Variants in MBTPS1 observed in about 807,000 individuals in gnomAD.
MBTPS1 encodes membrane bound transcription factor peptidase, site 1.
MBTPS1 carries 94 observed loss-of-function variants against 127.8 expected under a neutral mutation model. The observed-to-expected ratio is 0.74, with a 90% CI of 0.62 to 0.87. The LOEUF (loss-of-function observed/expected upper bound fraction) is 0.87. MBTPS1 is among the 40% of genes least tolerant of loss of function. The pLI is 0.00. For synonymous variants in MBTPS1, 632 were observed against 509.4 expected, an observed-to-expected ratio of 1.24 and a Z score of -3.24; for missense variants, 1,636 against 1,353.2, an observed-to-expected ratio of 1.21 and a Z score of -3.28.
chr16:84,071,098 T>A (rs73249027), intron 12 of MBTPS1, among the ~76,000 whole-genome samples: 1 of 152,182 alleles, frequency 6.6e-6, no homozygotes, highest in Non-Finnish European at 1.5e-5. Flanking sequence ...AGAGAACTTA[T>A]ATAGATGAAA....
intron 10 of MBTPS1, among the ~76,000 whole-genome samples, chr16:84,083,147 G>C (rs532062788): frequency 6.6e-6 from 1 of 152,204 alleles, no homozygotes; most frequent in African/African-American, 2.4e-5. Flanking sequence ...GCGTTTAGGA[G>C]AAATGAACCA....
intron 4 of MBTPS1, among the ~76,000 whole-genome samples, chr16:84,095,237 G>A (rs561583780): frequency 6.6e-6 from 1 of 152,316 alleles, no homozygotes; most frequent in Admixed American, 6.5e-5. Context: ...ACTTCTGCAG[G>A]CCTGTCGGTC....
chr16:84,055,609 G>A lies in MBTPS1; in HGVS notation c.2962+396C>T, dbSNP rs2085510679. Among the ~76,000 whole-genome samples the A allele has an allele frequency of 2.0e-5, 3 of 152,214 alleles. No individual in the cohort carries two copies. The South Asian group carries it at 6.2e-4, about 31-fold the overall frequency. On this transcript the variant is annotated intron_variant, in intron 22 of 22. Coordinates refer to ENST00000343411, the MANE Select transcript of MBTPS1 (RefSeq NM_003791.4). The stretch of plus-strand genomic sequence containing the variant: ...AACTGAAGGGGCCTTCTGGGCTGAG[G>A]GCTGGGAGCCAGGGCGGCTGCTGCC...
At chr16:84,100,830 T>G (rs1052409844) in intron 2 of MBTPS1, among the ~76,000 whole-genome samples, 1 of 151,844 alleles carries the variant, frequency 6.6e-6, no homozygotes, top group Non-Finnish European at 1.5e-5. Context: ...AAAGTTAACA[T>G]TCATGTGCTG....
At chr16:84,076,518 T>A (rs572065931) in intron 11 of MBTPS1, among the ~76,000 whole-genome samples, 1 of 152,226 alleles carries the variant, frequency 6.6e-6, no homozygotes, top group Non-Finnish European at 1.5e-5. Flanking sequence ...TATTTCCATA[T>A]GGTAGGTTAG....
chr16:84,066,360 G>C, intron 17 of MBTPS1, 129 bp downstream of exon 17: 1 of 933,712 alleles, frequency 1.1e-6, no homozygotes, highest in Non-Finnish European at 1.5e-6. Context: ...GAAAATACTG[G>C]TGAGTTCTTT....
intron 11 of MBTPS1, among the ~76,000 whole-genome samples, chr16:84,078,739 T>G (rs1275420586): frequency 6.6e-6 from 1 of 152,168 alleles, no homozygotes; most frequent in Admixed American, 6.5e-5. Context: ...CGCACTGACG[T>G]GGAGAGATTT....
Position 84,101,663 on chromosome 16 carries a change from G to T in MBTPS1, c.121C>A (p.Leu41Met). 6.2e-7 allele frequency: 1 copy of T among 1,614,066 alleles called. No individual in the cohort carries two copies. The highest frequency in any genetic ancestry group is 1.3e-5 in the African/African-American group (1 of 75,016). Residue 41 changes from leucine to methionine, a missense_variant, in exon 2 of 23, where the codon CTG becomes ATG. Transcript: ENST00000343411. ...EKAPCPGCSH[L>M]TLKVEFSSTV... ...GATGAGAATTCCACCTTCAAAGTCA[G>T]GTGGGAACAGCCAGGGCATGGGGCC...
At chr16:84,069,217 G>C (rs2085733568) in intron 14 of MBTPS1, among the ~76,000 whole-genome samples, 1 of 152,228 alleles carries the variant, frequency 6.6e-6, no homozygotes, top group African/African-American at 2.4e-5. Context: ...AAACATAAAA[G>C]CAGAAATGAG....
At chr16:84,066,757 G>A (rs551517895) in intron 16 of MBTPS1, 144 bp from the exon 17 acceptor site, 1 of 806,250 alleles carries the variant, frequency 1.2e-6, no homozygotes, top group Non-Finnish European at 1.9e-6. Context: ...CAACTGTCTG[G>A]GTTTGGGTAA....
chr16:84,062,597 G>A (rs989722082), intron 19 of MBTPS1, among the ~76,000 whole-genome samples: 16 of 152,132 alleles, frequency 1.1e-4, no homozygotes, highest in African/African-American at 2.7e-4. Context: ...TGGTCACAGC[G>A]CATTAGAAGG....
At chr16:84,088,987 C>A (rs2086067445) in intron 8 of MBTPS1, among the ~76,000 whole-genome samples, 2 of 152,244 alleles carry the variant, frequency 1.3e-5, no homozygotes, top group South Asian at 2.1e-4. Flanking sequence ...AAACTCACAA[C>A]TCTGGTAAGA....
chr16:84,070,724 A>G lies in MBTPS1; in HGVS notation c.1646T>C (p.Phe549Ser), dbSNP rs780183957. Reference sequence around the variant, plus strand: ...AGGCCATAAGACCGAGGAGTAGGAGAAGGCAACTTCAATGTTGTCTCCGTT... The same window carrying G: ...AGGCCATAAGACCGAGGAGTAGGAGGAGGCAACTTCAATGTTGTCTCCGTT... ...PQNGDNIEVA[F>S]SYSSVLWPWS... Residue 549 changes from phenylalanine to serine, a missense_variant, in exon 13 of 23, where the codon TTC becomes TCC. By Grantham distance (155) the Phe-to-Ser change is radical. Transcript: ENST00000343411. 6.2e-7 allele frequency: 1 copy of G among 1,614,056 alleles called. No homozygotes were observed. Among genetic ancestry groups the G allele is most frequent in the Admixed American group, 1.7e-5 (1 of 59,986 alleles).
At position 84,093,117 on chromosome 16, in the gene MBTPS1, C is replaced by T. The variant is rs144915841; in HGVS notation, c.846+71G>A. On this transcript the variant is annotated intron_variant, in intron 6 of 22. Coordinates refer to ENST00000343411, the MANE Select transcript of MBTPS1 (RefSeq NM_003791.4). ...TGCACTCCTTTTACACAAGTGTGTACAGTCCAGTGATTCTGCTTTTTACAT... is the reference window on the plus strand; with the variant it reads ...TGCACTCCTTTTACACAAGTGTGTATAGTCCAGTGATTCTGCTTTTTACAT... 228 of 990,576 alleles carry T rather than the reference C, an allele frequency of 2.3e-4. No homozygotes were observed. In the African/African-American group the frequency reaches 3.1e-3, roughly 14 times the overall value. The allele number at this position is 990,576 out of a possible 1,614,324, so 61.4% of individuals were successfully genotyped here. A position where few individuals can be genotyped will look rare whatever the true frequency, so the allele number is the denominator to read the frequency against.
intron 6 of MBTPS1, among the ~76,000 whole-genome samples, chr16:84,092,848 G>A (rs2086128160): frequency 6.6e-6 from 1 of 152,176 alleles, no homozygotes; most frequent in Admixed American, 6.5e-5. Context: ...TATTCTATCT[G>A]CAATTGTTCT....
Position 84,059,297 on chromosome 16 carries a change from C to G in MBTPS1, c.2831+5G>C, listed in dbSNP as rs377109607. 1.2e-6 allele frequency: 2 copies of G among 1,612,590 alleles called. No homozygotes were observed. Among genetic ancestry groups the G allele is most frequent in the African/African-American group, 2.7e-5 (2 of 74,866 alleles). On this transcript the variant is annotated splice_donor_5th_base_variant and intron_variant, in intron 21 of 22. Transcript: ENST00000343411. ...AAGAGTGGAAGGGCACAGGCGGACA[C>G]TAACCTGGGCGCCGTCTCGTTTAAA...
At chr16:84,107,667 C>T (rs544490208) in intron 1 of MBTPS1, among the ~76,000 whole-genome samples, 13 of 151,590 alleles carry the variant, frequency 8.6e-5, no homozygotes, top group African/African-American at 3.1e-4. Context: ...ACTGGGGTCC[C>T]CAAGGCTGAG....
chr16:84,094,540 T>C (rs1265863708), intron 4 of MBTPS1, among the ~76,000 whole-genome samples: 1 of 152,186 alleles, frequency 6.6e-6, no homozygotes, highest in Non-Finnish European at 1.5e-5. Flanking sequence ...AGAATACCTA[T>C]ATGACTTAAC....
At chr16:84,087,712 C>T (rs963435517) in intron 8 of MBTPS1, among the ~76,000 whole-genome samples, 3 of 152,122 alleles carry the variant, frequency 2.0e-5, no homozygotes, top group Non-Finnish European at 4.4e-5. Context: ...TCCCTGTCAA[C>T]TTGGCACACT....
Sources: gnomAD v4.1 joint callset for allele counts (sites outside exome capture counted in the v4.1 genomes callset) on GRCh38, gnomAD v4.1.1 for gene constraint, MANE v1.5 for transcripts, NCBI Gene and HGNC (gene_info 2026-07-23, HGNC 2026-07-21) for gene names.